PCDHB6: variants seen among roughly 807,000 people sequenced by gnomAD.
PCDHB6 encodes the protein protocadherin beta-6.
For synonymous variants in PCDHB6, 506 were observed against 459.0 expected, an observed-to-expected ratio of 1.10 and a Z score of -1.31; for missense variants, 1,137 against 1,010.1, an observed-to-expected ratio of 1.13 and a Z score of -1.70.
Position 141,151,452 on chromosome 5 carries a change from T to C in PCDHB6, c.1195T>C (p.Tyr399His), listed in dbSNP as rs1251930552. 6 of 1,614,058 alleles carry C rather than the reference T, an allele frequency of 3.7e-6. No homozygotes were observed. The African/African-American group carries it at 4.0e-5, about 11-fold the overall frequency. The change falls in exon 1 of 1, where the codon TAC (tyrosine) becomes CAC (histidine). Residue 399 changes from tyrosine to histidine, a missense_variant. Transcript: ENST00000231136. Reference sequence around the variant, plus strand: ...ACTAAGACCTTCCGTGGAGAATTTCTACACCCTGGTAACAGAAGGCGCGCT... The same window carrying C: ...ACTAAGACCTTCCGTGGAGAATTTCCACACCCTGGTAACAGAAGGCGCGCT... ...FLLRPSVENF[Y>H]TLVTEGALDR...
Position 141,150,618 on chromosome 5 carries a change from C to T in PCDHB6, c.361C>T (p.Arg121Ter). ...NPLQFFQASL[R>*]VRDINDHAPE... ...CTTGCAGTTTTTTCAGGCTTCCTTG[C>T]GAGTCAGAGATATAAATGACCACGC... The change falls in exon 1 of 1, where the codon CGA becomes TGA. Residue 121 changes from arginine to a stop codon, truncating the protein, a stop_gained. Coordinates refer to ENST00000231136, the MANE Select transcript of PCDHB6 (RefSeq NM_018939.4). LOFTEE classifies it low-confidence loss of function (END_TRUNC). The T allele has an allele frequency of 1.2e-6, 2 of 1,614,026 alleles. No homozygotes were observed. The highest frequency in any genetic ancestry group is 1.7e-6 in the Non-Finnish European group (2 of 1,179,994).
chr5:141,152,810 C>A lies in PCDHB6; in HGVS notation c.*168C>A, dbSNP rs1752921520. On this transcript the variant is annotated 3_prime_UTR_variant, in exon 1 of 1. Coordinates refer to ENST00000231136, the MANE Select transcript of PCDHB6 (RefSeq NM_018939.4). The stretch of plus-strand genomic sequence containing the variant: ...CCTGTTCATGCTTAGTAGTTTATTA[C>A]TTCACTTGAGGGTACTTGACAATAT... 1 of 550,332 alleles carries A rather than the reference C, an allele frequency of 1.8e-6. No homozygotes were observed. The highest frequency in any genetic ancestry group is 3.0e-6 in the Non-Finnish European group (1 of 333,060). The allele number at this position is 550,332 out of a possible 1,614,324, so 34.1% of individuals were successfully genotyped here. A position where few individuals can be genotyped will look rare whatever the true frequency, so the allele number is the denominator to read the frequency against.
Position 141,151,847 on chromosome 5 carries a change from C to A in PCDHB6, c.1590C>A (p.Gly530=), listed in dbSNP as rs1450122179. 1.1e-5 allele frequency: 18 copies of A among 1,612,436 alleles called. No homozygotes were observed. In the East Asian group the frequency reaches 1.6e-4, roughly 14 times the overall value. The stretch of plus-strand genomic sequence containing the variant: ...TGCAGTCTTTCGAGTTCCGCGTGGG[C>A]GCCACAGACCGCGGCTCCCCGGCGT... ...EALQSFEFRV[G]ATDRGSPALS... Residue 530 remains glycine, a synonymous_variant, in exon 1 of 1, where the codon GGC becomes GGA. Transcript: ENST00000231136.
rs1554277850 is a variant in PCDHB6, at chr5:141,151,893, C to G, written c.1636C>G (p.Arg546Gly). The part of the protein sequence containing the change: ...SPALSSEALV[R>G]LLVLDANDNS... ...GGCGTTGAGCAGCGAGGCGCTGGTG[C>G]GCTTGCTGGTGCTGGACGCCAACGA... The change falls in exon 1 of 1, where the codon CGC (arginine) becomes GGC (glycine). Residue 546 changes from arginine (R) to glycine (G), a missense_variant. Arg to Gly is a moderately radical substitution (Grantham distance 125). Transcript: ENST00000231136. The G allele has an allele frequency of 6.2e-7, 1 of 1,611,906 alleles. No homozygotes were observed. Among genetic ancestry groups the G allele is most frequent in the Non-Finnish European group, 8.5e-7 (1 of 1,179,768 alleles).
In PCDHB6 at chr5:141,151,760, G is replaced by C. The variant is rs782536398; in HGVS notation, c.1503G>C (p.Leu501=). ...PQDPHLPLSS[L]VSINADNGHL... is the part of the protein sequence containing the mutation. Reference sequence around the variant, plus strand: ...ACCCGCACCTGCCCCTCTCTTCCCTGGTCTCCATCAACGCGGACAACGGCC... The same window carrying C: ...ACCCGCACCTGCCCCTCTCTTCCCTCGTCTCCATCAACGCGGACAACGGCC... Residue 501 remains leucine (L), a synonymous_variant, in exon 1 of 1, where the codon CTG becomes CTC. Transcript: ENST00000231136. The C allele has an allele frequency of 1.2e-4, 198 of 1,613,218 alleles. 1 individual carries two copies. The South Asian group carries it at 1.9e-3, about 15-fold the overall frequency.
Position 141,151,871 on chromosome 5 carries a change from G to A in PCDHB6, c.1614G>A (p.Ala538=), listed in dbSNP as rs539797733. The change falls in exon 1 of 1, where the codon GCG becomes GCA. Residue 538 remains alanine, a synonymous_variant. Coordinates refer to ENST00000231136, the MANE Select transcript of PCDHB6 (RefSeq NM_018939.4). The stretch of plus-strand genomic sequence containing the variant: ...GCGCCACAGACCGCGGCTCCCCGGC[G>A]TTGAGCAGCGAGGCGCTGGTGCGCT... ...RVGATDRGSP[A]LSSEALVRLL... 2 of 1,610,652 alleles carry A rather than the reference G, an allele frequency of 1.2e-6. No homozygotes were observed. The highest frequency in any genetic ancestry group is 2.2e-5 in the East Asian group (1 of 44,694).
Position 141,150,963 on chromosome 5 carries a change from GACA to G in PCDHB6, c.709_711del (p.Asn237del), listed in dbSNP as rs782516603. 6.2e-7 allele frequency: 1 copy of G among 1,614,130 alleles called. No homozygotes were observed. Among genetic ancestry groups the G allele is most frequent in the African/African-American group, 1.3e-5 (1 of 75,034 alleles). ...TCAGATCCAGGTTTTGGACATCAAT[GACA>G]ACGTCCCCGAGTTTGCTCAGGAGCT... On this transcript the variant is annotated inframe_deletion, in exon 1 of 1. Coordinates refer to ENST00000231136, the MANE Select transcript of PCDHB6 (RefSeq NM_018939.4).
rs1554277989 is a variant in PCDHB6, at chr5:141,152,294, C to A, written c.2037C>A (p.Ala679=). The change falls in exon 1 of 1, where the codon GCC becomes GCA. Residue 679 remains alanine (A), a synonymous_variant. Transcript: ENST00000231136. ...TCCCTGAGGCGGCCCCGGCCCAAGC[C>A]CAGGCCGACTCTCTCACCGTCTACC... ...LPLPEAAPAQ[A]QADSLTVYLV... 1.2e-6 allele frequency: 2 copies of A among 1,608,748 alleles called. No homozygotes were observed. Among genetic ancestry groups the A allele is most frequent in the Admixed American group, 1.7e-5 (1 of 60,022 alleles).
Position 141,152,717 on chromosome 5 carries a change from T to G in PCDHB6, c.*75T>G. On this transcript the variant is annotated 3_prime_UTR_variant, in exon 1 of 1. Coordinates refer to ENST00000231136, the MANE Select transcript of PCDHB6 (RefSeq NM_018939.4). Reference sequence around the variant, plus strand: ...ACTTAAAGTTACATGGTCTGTTTCTTGTTTATTTTACCTCTATTCTTTAGG... The same window carrying G: ...ACTTAAAGTTACATGGTCTGTTTCTGGTTTATTTTACCTCTATTCTTTAGG... 1 of 1,327,588 alleles carries G rather than the reference T, an allele frequency of 7.5e-7. No homozygotes were observed. The highest frequency in any genetic ancestry group is 1.0e-6 in the Non-Finnish European group (1 of 978,724). The allele number at this position is 1,327,588 out of a possible 1,614,324, so 82.2% of individuals were successfully genotyped here.
At position 141,150,937 on chromosome 5, in the gene PCDHB6, T is replaced by A; in HGVS notation, c.680T>A (p.Ile227Asn). The A allele has an allele frequency of 6.2e-7, 1 of 1,613,958 alleles. No homozygotes were observed. The highest frequency in any genetic ancestry group is 8.5e-7 in the Non-Finnish European group (1 of 1,179,986). The change falls in exon 1 of 1, where the codon ATT (isoleucine) becomes AAT (asparagine). Residue 227 changes from isoleucine to asparagine, a missense_variant. By Grantham distance (149) the Ile-to-Asn change is moderately radical (BLOSUM62 -3). Coordinates refer to ENST00000231136, the MANE Select transcript of PCDHB6 (RefSeq NM_018939.4). ...CCGCCCCGGTCAGGGACCTCCGAGATTCAGATCCAGGTTTTGGACATCAAT... is the reference window on the plus strand; with the variant it reads ...CCGCCCCGGTCAGGGACCTCCGAGAATCAGATCCAGGTTTTGGACATCAAT... ...GSPPRSGTSE[I>N]QIQVLDINDN...
chr5:141,152,097 G>C lies in PCDHB6; in HGVS notation c.1840G>C (p.Gly614Arg), dbSNP rs782236790. ...LLKATELGLFGVWAHNGEVRT... is the reference protein window; with the variant it reads ...LLKATELGLFRVWAHNGEVRT... ...CAAGGCCACGGAGCTCGGTCTGTTC[G>C]GCGTGTGGGCGCACAATGGCGAGGT... Residue 614 changes from glycine (G) to arginine (R), a missense_variant, in exon 1 of 1, where the codon GGC becomes CGC. Transcript: ENST00000231136. 57 of 1,606,572 alleles carry C rather than the reference G, an allele frequency of 3.5e-5. No homozygotes were observed. The highest frequency in any genetic ancestry group is 5.3e-5 in the African/African-American group (4 of 74,782).
In PCDHB6 at chr5:141,150,646, C is replaced by A; in HGVS notation, c.389C>A (p.Pro130Gln). 4.3e-6 allele frequency: 7 copies of A among 1,614,066 alleles called. No homozygotes were observed. Among genetic ancestry groups the A allele is most frequent in the Non-Finnish European group, 5.9e-6 (7 of 1,180,022 alleles). Reference sequence around the variant, plus strand: ...GTCAGAGATATAAATGACCACGCCCCGGAATTCCCTGCCAGAGAAATGCTC... The same window carrying A: ...GTCAGAGATATAAATGACCACGCCCAGGAATTCCCTGCCAGAGAAATGCTC... The part of the protein sequence containing the change: ...LRVRDINDHA[P>Q]EFPAREMLLK... The change falls in exon 1 of 1, where the codon CCG becomes CAG. Residue 130 changes from proline (P) to glutamine (Q), a missense_variant. Pro to Gln is a moderately conservative substitution (Grantham distance 76). Coordinates refer to ENST00000231136, the MANE Select transcript of PCDHB6 (RefSeq NM_018939.4).
rs782304474 is a variant in PCDHB6 at position 141,151,841 on chromosome 5, C to G, written c.1584C>G (p.Arg528=). 5.6e-6 allele frequency: 9 copies of G among 1,612,632 alleles called. 1 individual carries two copies. In the South Asian group the frequency reaches 8.8e-5, roughly 16 times the overall value. ...DYEALQSFEF[R]VGATDRGSPA... ...AGGCCCTGCAGTCTTTCGAGTTCCGCGTGGGCGCCACAGACCGCGGCTCCC... is the reference window on the plus strand; with the variant it reads ...AGGCCCTGCAGTCTTTCGAGTTCCGGGTGGGCGCCACAGACCGCGGCTCCC... The change falls in exon 1 of 1, where the codon CGC becomes CGG. Residue 528 remains arginine, a synonymous_variant. Transcript: ENST00000231136.
Position 141,151,784 on chromosome 5 carries a change from C to T in PCDHB6, c.1527C>T (p.Gly509=), listed in dbSNP as rs1752876633. ...SSLVSINADN[G]HLFALRSLDY... ...TGGTCTCCATCAACGCGGACAACGGCCACCTGTTTGCCCTCAGGTCGCTGG... is the reference window on the plus strand; with the variant it reads ...TGGTCTCCATCAACGCGGACAACGGTCACCTGTTTGCCCTCAGGTCGCTGG... The change falls in exon 1 of 1, where the codon GGC becomes GGT. Residue 509 remains glycine, a synonymous_variant. Transcript: ENST00000231136. 6.2e-7 allele frequency: 1 copy of T among 1,613,314 alleles called. No homozygotes were observed. The highest frequency in any genetic ancestry group is 1.9e-4 in the Middle Eastern group (1 of 5,394).
In PCDHB6 at chr5:141,151,297, T is replaced by A. The variant is rs782376711; in HGVS notation, c.1040T>A (p.Met347Lys). 1.2e-6 allele frequency: 2 copies of A among 1,614,092 alleles called. No individual in the cohort carries two copies. The highest frequency in any genetic ancestry group is 1.7e-6 in the Non-Finnish European group (2 of 1,180,018). ...DVNDNAPELTMSFFISLIPEN... is the reference protein window; with the variant it reads ...DVNDNAPELTKSFFISLIPEN... ...AATGACAATGCCCCTGAACTCACCA[T>A]GTCGTTCTTCATCAGCCTCATCCCA... Residue 347 changes from methionine (M) to lysine (K), a missense_variant, in exon 1 of 1, where the codon ATG (methionine) becomes AAG (lysine). Met to Lys is a moderately conservative substitution (Grantham distance 95, BLOSUM62 -1). Transcript: ENST00000231136.
Position 141,150,289 on chromosome 5 carries a change from G to A in PCDHB6, c.32G>A (p.Arg11Lys), listed in dbSNP as rs1554277375. Residue 11 changes from arginine to lysine, a missense_variant, in exon 1 of 1, where the codon AGG (arginine) becomes AAG (lysine). Transcript: ENST00000231136. MMQTKVQNKK[R>K]QVAFFILLML... ...CAAACTAAAGTACAGAACAAGAAAA[G>A]GCAAGTGGCTTTCTTCATTTTATTG... 6.2e-7 allele frequency: 1 copy of A among 1,613,540 alleles called. No individual in the cohort carries two copies. The highest frequency in any genetic ancestry group is 8.5e-7 in the Non-Finnish European group (1 of 1,179,548).
chr5:141,152,094 T>C lies in PCDHB6; in HGVS notation c.1837T>C (p.Phe613Leu), dbSNP rs782182664. 1.2e-5 allele frequency: 19 copies of C among 1,606,774 alleles called. No homozygotes were observed. The East Asian group carries it at 4.0e-4, about 34-fold the overall frequency. Residue 613 changes from phenylalanine (F) to leucine (L), a missense_variant, in exon 1 of 1, where the codon TTC becomes CTC. By Grantham distance (22) the Phe-to-Leu change is conservative. Transcript: ENST00000231136. ...QLLKATELGL[F>L]GVWAHNGEVR... ...GCTCAAGGCCACGGAGCTCGGTCTG[T>C]TCGGCGTGTGGGCGCACAATGGCGA...
rs782440942 is a variant in PCDHB6 at position 141,151,868 on chromosome 5, G to C, written c.1611G>C (p.Pro537=). The part of the protein sequence containing the change: ...FRVGATDRGS[P]ALSSEALVRL... ...TGGGCGCCACAGACCGCGGCTCCCC[G>C]GCGTTGAGCAGCGAGGCGCTGGTGC... Residue 537 remains proline (P), a synonymous_variant, in exon 1 of 1, where the codon CCG becomes CCC. Coordinates refer to ENST00000231136, the MANE Select transcript of PCDHB6 (RefSeq NM_018939.4). 3.1e-6 allele frequency: 5 copies of C among 1,612,192 alleles called. No homozygotes were observed. The South Asian group carries it at 3.3e-5, about 11-fold the overall frequency.
At position 141,151,382 on chromosome 5, in the gene PCDHB6, T is replaced by C. The variant is rs145262945; in HGVS notation, c.1125T>C (p.His375=). 3 of 1,614,016 alleles carry C rather than the reference T, an allele frequency of 1.9e-6. No individual in the cohort carries two copies. The African/African-American group carries it at 4.0e-5, about 22-fold the overall frequency. Residue 375 remains histidine, a synonymous_variant, in exon 1 of 1, where the codon CAT becomes CAC. Coordinates refer to ENST00000231136, the MANE Select transcript of PCDHB6 (RefSeq NM_018939.4). Reference sequence around the variant, plus strand: ...GTGTTTCAGATGCAGACTCTGGACATAACCAACAGGTTATTTGTTCAATAG... The same window carrying C: ...GTGTTTCAGATGCAGACTCTGGACACAACCAACAGGTTATTTGTTCAATAG... ...VFSVSDADSG[H]NQQVICSIEN...
Sources: allele counts gnomAD v4.1 joint callset, GRCh38; gene constraint gnomAD v4.1.1; transcripts MANE v1.5; gene names NCBI Gene and HGNC (gene_info 2026-07-23, HGNC 2026-07-21).